The following TTLL10 variants were observed in gnomAD, a reference collection of about 807,000 sequenced individuals.
TTLL10 encodes inactive polyglycylase TTLL10.
In TTLL10, 61 loss-of-function variants were observed where a neutral mutation model predicts 69.0. That is an observed-to-expected ratio of 0.88 (90% CI 0.72 to 1.09). The LOEUF (loss-of-function observed/expected upper bound fraction) is 1.09. Among genes scored for constraint, TTLL10 ranks in the 50% least tolerant of loss-of-function variants. TTLL10 has a pLI of 0.00. For missense variants in TTLL10, 962 were observed against 945.9 expected (o/e 1.02, Z -0.22); for synonymous variants, 408 against 393.3 (o/e 1.04, Z -0.44).
chr1:1,180,384 C>T, intron 6 of TTLL10, 44 bp downstream of exon 6: 1 of 1,539,404 alleles, frequency 6.5e-7, no homozygotes, highest in Non-Finnish European at 8.8e-7. Context: ...TGAATACCCA[C>T]CGCCTGCTCC....
At chr1:1,192,092 G>T (rs1267302028) in intron 13 of TTLL10, among the ~76,000 whole-genome samples, 3 of 152,216 alleles carry the variant, frequency 2.0e-5, no homozygotes, top group Non-Finnish European at 4.4e-5. Context: ...ATTTTGGGGG[G>T]GGGCCTGCTC....
rs371364444 is a variant in TTLL10, at chr1:1,180,684, C to T, written c.626-47C>T. ...CAGGGCAGGTTGGAGGGGTGGGGAC[C>T]GAGGTCCTGCGCTCCCTCCACACGA... On this transcript the variant is annotated intron_variant, in intron 7 of 15. Transcript: ENST00000379289. 5.5e-5 allele frequency: 87 copies of T among 1,573,494 alleles called. No individual in the cohort carries two copies. In the African/African-American group the frequency reaches 9.4e-4, roughly 17 times the overall value.
At chr1:1,174,395 T>C (rs1165717261) in intron 2 of TTLL10, 29 bp from the exon 3 acceptor site, 1 of 152,660 alleles carries the variant, frequency 6.6e-6, no homozygotes, top group Non-Finnish European at 1.5e-5. Context: ...GACACTAACA[T>C]GTGGTCGCTT....
At chr1:1,189,582 G>A (rs1212980142) in intron 13 of TTLL10, among the ~76,000 whole-genome samples, 1 of 152,104 alleles carries the variant, frequency 6.6e-6, no homozygotes, top group Non-Finnish European at 1.5e-5. Context: ...TGCCTGGGTG[G>A]TATTAAGGTA....
chr1:1,191,990 A>G (rs1337578709), intron 13 of TTLL10, among the ~76,000 whole-genome samples: 1 of 151,458 alleles, frequency 6.6e-6, no homozygotes, highest in Non-Finnish European at 1.5e-5. Flanking sequence ...TCAACCCACA[A>G]CCTCCCAGCG....
chr1:1,196,653 G>A lies in TTLL10; in HGVS notation c.1455G>A (p.Leu485=). 3 of 1,552,014 alleles carry A rather than the reference G, an allele frequency of 1.9e-6. No homozygotes were observed. The highest frequency in any genetic ancestry group is 1.7e-6 in the Non-Finnish European group (2 of 1,147,024). Residue 485 remains leucine (L), a synonymous_variant, in exon 14 of 16, where the codon CTG becomes CTA. Coordinates refer to ENST00000379289, the MANE Select transcript of TTLL10 (RefSeq NM_001130045.2). ...AHCFLAAKPK[L]DCKLGYFDLI... Reference sequence around the variant, plus strand: ...GCTTTCTGGCCGCCAAGCCCAAGCTGGACTGCAAGCTGGGTTACTTTGACC... The same window carrying A: ...GCTTTCTGGCCGCCAAGCCCAAGCTAGACTGCAAGCTGGGTTACTTTGACC...
Position 1,183,182 on chromosome 1 carries a change from GCCGGGCCCC to G in TTLL10, c.1088+137_1088+145del, listed in dbSNP as rs1406626420. 4 of 1,137,620 alleles carry G rather than the reference GCCGGGCCCC, an allele frequency of 3.5e-6. No homozygotes were observed. The Admixed American group carries it at 1.1e-4, about 33-fold the overall frequency. The allele number at this position is 1,137,620 out of a possible 1,614,324, so 70.5% of individuals were successfully genotyped here. On this transcript the variant is annotated intron_variant, in intron 11 of 15. Coordinates refer to ENST00000379289, the MANE Select transcript of TTLL10 (RefSeq NM_001130045.2). ...ACCACCAGCCCCTGTGCAGACCACA[GCCGGGCCCC>G]CGTGTAGCCAGCAGAGGGGAGGGGT...
Position 1,185,014 on chromosome 1 carries a change from A to C in TTLL10, c.1306A>C (p.Thr436Pro). 1 of 1,613,958 alleles carries C rather than the reference A, an allele frequency of 6.2e-7. No homozygotes were observed. Residue 436 changes from threonine to proline, a missense_variant, in exon 13 of 16, where the codon ACG becomes CCG. Transcript: ENST00000379289. This position sits in a 1 kb window ranked among gnomAD's most constrained non-coding sequence, Gnocchi z 6.1. Reference protein sequence around the residue: ...SPLYMLLKEHTVWSMEHLNRY... With the variant: ...SPLYMLLKEHPVWSMEHLNRY... ...TCTGTACATGCTGCTGAAGGAGCAC[A>C]CGGTGTGGAGCATGGAACACCTCAA...
chr1:1,177,456 C>T (rs533660569), intron 3 of TTLL10, among the ~76,000 whole-genome samples: 79 of 152,278 alleles, frequency 5.2e-4, no homozygotes, highest in Admixed American at 1.7e-3. Context: ...GGACTACAGG[C>T]GCCCAACACC....
At chr1:1,188,558 C>G (rs1345104586) in intron 13 of TTLL10, among the ~76,000 whole-genome samples, 1 of 152,080 alleles carries the variant, frequency 6.6e-6, no homozygotes, top group African/African-American at 2.4e-5. Context: ...GCACCCACCA[C>G]CACGCTCGGC....
chr1:1,179,166 T>C (rs1646961266), intron 3 of TTLL10, 23 bp from the exon 4 acceptor site: 1 of 1,446,602 alleles, frequency 6.9e-7, no homozygotes, highest in Non-Finnish European at 9.2e-7. Flanking sequence ...CACAGGAGGG[T>C]CAGAGCGGCA....
At chr1:1,196,417 T>C (rs1177136604) in intron 13 of TTLL10, 183 bp from the exon 14 acceptor site, 5 of 598,000 alleles carry the variant, frequency 8.4e-6, no homozygotes, top group African/African-American at 5.5e-5. Flanking sequence ...TGCACGAGTT[T>C]GTTGAGTGAG....
At position 1,180,303 on chromosome 1, in the gene TTLL10, C is replaced by A; in HGVS notation, c.469C>A (p.Pro157Thr). The A allele has an allele frequency of 6.3e-7, 1 of 1,586,582 alleles. No individual in the cohort carries two copies. ...ATCGCCCCACAGCACCCGGCCGGGG[C>A]CCTTCTTCTACATTGGAGGCAGCAA... is the stretch of plus-strand genomic sequence containing the variant. Reference protein sequence around the residue: ...KPSPHSTRPGPFFYIGGSNGA... With the variant: ...KPSPHSTRPGTFFYIGGSNGA... Residue 157 changes from proline to threonine, a missense_variant, in exon 6 of 16, where the codon CCC (proline) becomes ACC (threonine). Transcript: ENST00000379289.
At chr1:1,196,783 T>C (rs1648244534) in intron 14 of TTLL10, 67 bp downstream of exon 14, 3 of 1,151,810 alleles carry the variant, frequency 2.6e-6, no homozygotes, top group African/African-American at 1.5e-5. Flanking sequence ...CTGTACACCC[T>C]GACCACACTG....
chr1:1,182,144 G>A (rs1190652285), intron 9 of TTLL10, among the ~76,000 whole-genome samples: 1 of 152,232 alleles, frequency 6.6e-6, no homozygotes, highest in East Asian at 1.9e-4. Context: ...GCCCGGGTGG[G>A]GGTCAGCGGC....
Position 1,181,782 on chromosome 1 carries a change from C to T in TTLL10, c.797C>T (p.Pro266Leu), listed in dbSNP as rs147471971. The T allele has an allele frequency of 1.9e-6, 3 of 1,609,266 alleles. No homozygotes were observed. The highest frequency in any genetic ancestry group is 2.2e-5 in the East Asian group (1 of 44,712). Residue 266 changes from proline (P) to leucine (L), a missense_variant, in exon 9 of 16, where the codon CCG becomes CTG. Transcript: ENST00000379289. The surrounding 1 kb of genome is among the most constrained non-coding windows in gnomAD (Gnocchi z 4.6). ...DAAAPALEDL[P>L]WTSPGYLRPQ... The stretch of plus-strand genomic sequence containing the variant: ...GCAGCGCCCGCCCTGGAGGACCTCC[C>T]GTGGACAAGCCCAGGATACCTCAGG...
intron 13 of TTLL10, among the ~76,000 whole-genome samples, chr1:1,194,934 AT>A (rs1233493714): frequency 1.3e-5 from 2 of 152,056 alleles, no homozygotes; most frequent in East Asian, 1.9e-4. Context: ...ATGTTGGTCC[AT>A]TTGACAGTGT....
rs1648238280 is a variant in TTLL10 at position 1,196,725 on chromosome 1, C to T, written c.1518+9C>T. 1 of 1,538,906 alleles carries T rather than the reference C, an allele frequency of 6.5e-7. No individual in the cohort carries two copies. The highest frequency in any genetic ancestry group is 8.8e-7 in the Non-Finnish European group (1 of 1,135,228). ...TTGATGACAACTTCAAGGTGCTGTC[C>T]TGGGCGGCGGGGGGCACAGTAGACA... On this transcript the variant is annotated intron_variant, in intron 14 of 15. Coordinates refer to ENST00000379289, the MANE Select transcript of TTLL10 (RefSeq NM_001130045.2).
Position 1,184,025 on chromosome 1 carries a change from T to C in TTLL10, c.1194T>C (p.Tyr398=), listed in dbSNP as rs139418948. Residue 398 remains tyrosine, a synonymous_variant, in exon 12 of 16, where the codon TAT becomes TAC. Transcript: ENST00000379289. ...ACATGATCTTCTTTGGCCACGGCTA[T>C]GCTCGCCTCACCCTTAGCCTTTACG... ...TPYMIFFGHG[Y]ARLTLSLYDP... is the part of the protein sequence containing the mutation. 41 of 1,614,120 alleles carry C rather than the reference T, an allele frequency of 2.5e-5. No homozygotes were observed. Among genetic ancestry groups the C allele is most frequent in the African/African-American group, 4.0e-5 (3 of 74,942 alleles).
Sources: allele counts gnomAD v4.1 joint callset (sites outside exome capture counted in the v4.1 genomes callset), GRCh38; gene constraint gnomAD v4.1.1; non-coding constraint Gnocchi (gnomAD v3.1); transcripts MANE v1.5; gene names NCBI Gene and HGNC (gene_info 2026-07-23, HGNC 2026-07-21).